Variants in ERCC6 observed in about 807,000 individuals in gnomAD.
ERCC6 encodes the protein DNA excision repair protein ERCC-6.
A neutral mutation model predicts 158.7 loss-of-function variants in ERCC6; 116 were observed. The observed-to-expected ratio is 0.73, with a 90% CI of 0.63 to 0.85. The LOEUF (loss-of-function observed/expected upper bound fraction) is 0.85. ERCC6 is among the 40% of genes least tolerant of loss of function. ERCC6 has a pLI of 0.00. For synonymous variants in ERCC6, 678 were observed against 659.3 expected, an observed-to-expected ratio of 1.03 and a Z score of -0.43; for missense variants, 1,698 against 1,799.4, an observed-to-expected ratio of 0.94 and a Z score of 1.02.
the ERCC6 span, among the ~76,000 whole-genome samples, chr10:49,448,539 C>T: frequency 6.6e-6 from 1 of 152,122 alleles, no homozygotes; most frequent in Admixed American, 6.5e-5. Flanking sequence ...CAACCATCAC[C>T]ACCTCAATTT....
intron 5 of ERCC6, among the ~76,000 whole-genome samples, chr10:49,513,841 A>T: frequency 6.6e-6 from 1 of 151,680 alleles, no homozygotes; most frequent in Non-Finnish European, 1.5e-5. Context: ...TACTATTGTT[A>T]TTCTCTCTCT....
intron 8 of ERCC6, among the ~76,000 whole-genome samples, chr10:49,488,815 G>C (rs189113095): frequency 6.6e-6 from 1 of 151,964 alleles, no homozygotes; most frequent in East Asian, 1.9e-4. Context: ...ACAGAGTCTC[G>C]CTCTGTCGCC....
chr10:49,532,977 A>G lies in ERCC6; in HGVS notation c.-13T>C. On this transcript the variant is annotated splice_region_variant and 5_prime_UTR_variant, in exon 2 of 21. Coordinates refer to ENST00000355832, the MANE Select transcript of ERCC6 (RefSeq NM_000124.4). ...CCTCATTTGGCATTCTCTACAGACT[A>G]CCTAAAAGGAAAAAAATTTATAAGC... is the stretch of plus-strand genomic sequence containing the variant. 6.2e-7 allele frequency: 1 copy of G among 1,614,174 alleles called. No individual in the cohort carries two copies. Among genetic ancestry groups the G allele is most frequent in the African/African-American group, 1.3e-5 (1 of 75,058 alleles).
intron 4 of ERCC6, among the ~76,000 whole-genome samples, chr10:49,528,171 A>G (rs926336264): frequency 3.9e-5 from 6 of 152,242 alleles, no homozygotes; most frequent in Non-Finnish European, 5.9e-5. Context: ...AGTGTATTAA[A>G]TGTAATAATA....
chr10:49,508,056 G>A (rs1851474552), intron 5 of ERCC6, among the ~76,000 whole-genome samples: 1 of 152,072 alleles, frequency 6.6e-6, no homozygotes, highest in Non-Finnish European at 1.5e-5. Context: ...AGAGTCCTCG[G>A]TATCAAAACT....
chr10:49,480,848 G>C (rs1850965990), intron 10 of ERCC6, among the ~76,000 whole-genome samples: 1 of 152,058 alleles, frequency 6.6e-6, no homozygotes, highest in Admixed American at 6.5e-5. Flanking sequence ...CCAAACTGAG[G>C]TACATTCTAC....
intron 6 of ERCC6, chr10:49,502,172 C>G (rs973412282): frequency 1.3e-5 from 2 of 152,058 alleles, no homozygotes; most frequent in South Asian, 2.1e-4. Flanking sequence ...TCAGTAAATA[C>G]GTCATAATTA....
intron 8 of ERCC6, among the ~76,000 whole-genome samples, chr10:49,489,410 T>C (rs1053104988): frequency 2.6e-5 from 4 of 152,180 alleles, no homozygotes; most frequent in African/African-American, 9.7e-5. Context: ...CCTAACAAGT[T>C]TACCAAAATT....
chr10:49,492,785 C>T (rs540277826), intron 8 of ERCC6, among the ~76,000 whole-genome samples: 2 of 152,328 alleles, frequency 1.3e-5, no homozygotes, highest in South Asian at 4.1e-4. Context: ...GCCACTAATG[C>T]GCAAAGTCTC....
chr10:49,461,422 G>T lies in ERCC6; in HGVS notation c.3913C>A (p.Leu1305Met). ...GTGGGAACACCAGACACTGCTCCCA[G>T]ACACCGCTGACGAGAGAGCCTCAGT... ...KALRLSRQRC[L>M]GAVSGVPTWT... Residue 1305 changes from leucine (L) to methionine (M), a missense_variant, in exon 19 of 21, where the codon CTG (leucine) becomes ATG (methionine). Leu to Met is a conservative substitution (Grantham distance 15). Transcript: ENST00000355832. 6.2e-7 allele frequency: 1 copy of T among 1,614,170 alleles called. No individual in the cohort carries two copies. The highest frequency in any genetic ancestry group is 2.2e-5 in the East Asian group (1 of 44,886).
intron 10 of ERCC6, 96 bp from the exon 11 acceptor site, chr10:49,478,566 A>AG: frequency 1.3e-6 from 1 of 797,494 alleles, no homozygotes; most frequent in Admixed American, 1.8e-5. Context: ...AAAAAAAAAA[A>AG]AGAATAACCA....
Position 49,470,441 on chromosome 10 carries a change from T to C in ERCC6, c.3519A>G (p.Gln1173=). 1 of 1,614,110 alleles carries C rather than the reference T, an allele frequency of 6.2e-7. No individual in the cohort carries two copies. The highest frequency in any genetic ancestry group is 8.5e-7 in the Non-Finnish European group (1 of 1,180,016). Residue 1173 remains glutamine (Q), a synonymous_variant, in exon 18 of 21, where the codon CAA becomes CAG. Coordinates refer to ENST00000355832, the MANE Select transcript of ERCC6 (RefSeq NM_000124.4). ...AQTEAFWENK[Q]MENNFYKHKS... Reference sequence around the variant, plus strand: ...TGTGCTTATAAAAATTATTTTCCATTTGTTTATTCTCCCAAAAAGCTTCTG... The same window carrying C: ...TGTGCTTATAAAAATTATTTTCCATCTGTTTATTCTCCCAAAAAGCTTCTG...
intron 3 of ERCC6, among the ~76,000 whole-genome samples, chr10:49,529,881 A>T (rs1259417594): frequency 6.6e-6 from 1 of 152,182 alleles, no homozygotes; most frequent in Non-Finnish European, 1.5e-5. Context: ...ATAAATCCTT[A>T]AAAAAAGTTT....
chr10:49,494,657 C>A (rs1227247348), intron 7 of ERCC6, among the ~76,000 whole-genome samples: 1 of 152,148 alleles, frequency 6.6e-6, no homozygotes, highest in Non-Finnish European at 1.5e-5. Context: ...CCTGTCAGTG[C>A]ATGGTACTCC....
chr10:49,480,123 G>T (rs1285878127), intron 10 of ERCC6, among the ~76,000 whole-genome samples: 1 of 152,152 alleles, frequency 6.6e-6, no homozygotes, highest in South Asian at 2.1e-4. Context: ...TGCCCCAGCT[G>T]AGCACACCAA....
intron 6 of ERCC6, chr10:49,501,685 T>C (rs1339244005): frequency 6.6e-6 from 1 of 151,906 alleles, no homozygotes; most frequent in East Asian, 1.9e-4. Flanking sequence ...TTAGATGAGG[T>C]GGCTCATGCC....
rs762980922 is a variant in ERCC6, at chr10:49,474,031, C to T, written c.2594G>A (p.Arg865Lys). ...GQRVLLFSQSRQMLDILEVFL... is the reference protein window; with the variant it reads ...GQRVLLFSQSKQMLDILEVFL... ...GTCTGAAGTCTGTGCACTCACCTGC[C>T]TTGACTGAGAAAACAGCAATACTCG... is the stretch of plus-strand genomic sequence containing the variant. Residue 865 changes from arginine (R) to lysine (K), a missense_variant, in exon 13 of 21, where the codon AGG (arginine) becomes AAG (lysine). By Grantham distance (26) the Arg-to-Lys change is conservative. Coordinates refer to ENST00000355832, the MANE Select transcript of ERCC6 (RefSeq NM_000124.4). 6.2e-7 allele frequency: 1 copy of T among 1,613,886 alleles called. No homozygotes were observed.
At chr10:49,470,926 A>G (rs1850767821) in intron 17 of ERCC6, 37 bp from the exon 18 acceptor site, 1 of 1,613,608 alleles carries the variant, frequency 6.2e-7, no homozygotes, top group African/African-American at 1.3e-5. Context: ...ACTATATTGT[A>G]TCATCTTGTG....
At chr10:49,496,891 C>T (rs1195570743) in intron 7 of ERCC6, among the ~76,000 whole-genome samples, 2 of 152,334 alleles carry the variant, frequency 1.3e-5, no homozygotes, top group African/African-American at 2.4e-5. Context: ...TATTAAAAAT[C>T]ATCTACTACA....
Sources: gnomAD v4.1 joint callset for allele counts (sites outside exome capture counted in the v4.1 genomes callset) on GRCh38, gnomAD v4.1.1 for gene constraint, MANE v1.5 for transcripts, NCBI Gene and HGNC (gene_info 2026-07-23, HGNC 2026-07-21) for gene names.